MATK: variants seen among roughly 807,000 people sequenced by gnomAD.
MATK encodes the protein megakaryocyte-associated tyrosine-protein kinase.
A neutral mutation model predicts 59.8 loss-of-function variants in MATK; 41 were observed. That is an observed-to-expected ratio of 0.69 (90% confidence interval 0.53 to 0.89). MATK has a LOEUF of 0.89. Among genes scored for constraint, MATK ranks in the 40% least tolerant of loss-of-function variants. MATK has a pLI of 0.00. For synonymous variants in MATK, 308 were observed against 306.1 expected (o/e 1.01, Z -0.06); for missense variants, 593 against 719.6 (o/e 0.82, Z 2.01).
Position 3,785,072 on chromosome 19 carries a change from G to T in MATK, c.64C>A (p.Leu22Ile). Residue 22 changes from leucine (L) to isoleucine (I), a missense_variant, in exon 2 of 14, where the codon CTT (leucine) becomes ATT (isoleucine). Transcript: ENST00000310132. ...AFHGCDSAEE[L>I]PRVSPRFLRA... ...GGGGAAGTGATCTTTACCCGGGGAA[G>T]TTCCTCAGCAGAATCACAGCCGTGA... 2 of 1,614,046 alleles carry T rather than the reference G, an allele frequency of 1.2e-6. No homozygotes were observed. Among genetic ancestry groups the T allele is most frequent in the Non-Finnish European group, 8.5e-7 (1 of 1,179,960 alleles).
In MATK at chr19:3,778,168, C is replaced by A; in HGVS notation, c.*15G>T. 1.3e-6 allele frequency: 2 copies of A among 1,543,164 alleles called. No individual in the cohort carries two copies. The highest frequency in any genetic ancestry group is 1.7e-6 in the Non-Finnish European group (2 of 1,149,470). On this transcript the variant is annotated 3_prime_UTR_variant, in exon 14 of 14. Coordinates refer to ENST00000310132, the MANE Select transcript of MATK (RefSeq NM_139355.3). ...TCTCTCGGTCCTCTGGGGCCAAGGGCCCCACCGGGTGGGGTCAGGGCTCCT... is the reference window on the plus strand; with the variant it reads ...TCTCTCGGTCCTCTGGGGCCAAGGGACCCACCGGGTGGGGTCAGGGCTCCT...
upstream of MATK, chr19:3,787,332 G>A (rs1262391038): frequency 6.6e-6 from 1 of 151,538 alleles, no homozygotes; most frequent in Non-Finnish European, 1.5e-5. Context: ...GCCTCAGGAG[G>A]GGGTGAGTTC....
In MATK at chr19:3,784,897, C is replaced by A. The variant is rs1228986037; in HGVS notation, c.73-13G>T. 1 of 1,515,454 alleles carries A rather than the reference C, an allele frequency of 6.6e-7. No individual in the cohort carries two copies. 93.9% of individuals were successfully genotyped at this position (1,515,454 alleles called of 1,614,324 possible). Reference sequence around the variant, plus strand: ...AGCGGGGGCTCACCTGGGGAGGGGACAGAGTCCAGGTGGGAGCTGGGCTGG... The same window carrying A: ...AGCGGGGGCTCACCTGGGGAGGGGAAAGAGTCCAGGTGGGAGCTGGGCTGG... On this transcript the variant is annotated splice_polypyrimidine_tract_variant and intron_variant, in intron 2 of 13. Transcript: ENST00000310132.
chr19:3,780,538 T>C (rs2037385462), intron 8 of MATK, among the ~76,000 whole-genome samples: 1 of 150,390 alleles, frequency 6.6e-6, no homozygotes, highest in South Asian at 2.1e-4. Context: ...GCCATTCTCC[T>C]GCCTCAGCCT....
intron 1 of MATK, among the ~76,000 whole-genome samples, chr19:3,798,737 C>T (rs1409655033): frequency 6.6e-6 from 1 of 151,482 alleles, no homozygotes; most frequent in Non-Finnish European, 1.5e-5. Context: ...GTCCTGAACT[C>T]CTGACCTCAG....
Position 3,784,341 on chromosome 19 carries a change from G to A in MATK, c.243C>T (p.Cys81=), listed in dbSNP as rs374562489. 1.3e-4 allele frequency: 205 copies of A among 1,603,614 alleles called. No individual in the cohort carries two copies. In the Middle Eastern group the frequency reaches 1.5e-3, roughly 12 times the overall value. The change falls in exon 4 of 14, where the codon TGC becomes TGT. Residue 81 remains cysteine (C), a synonymous_variant. Transcript: ENST00000310132. The part of the protein sequence containing the change: ...KGDVVTILEA[C]ENKSWYRVKH... ...ACACCCGCCGGCCACCTCTCACCTC[G>A]CAGGCCTCCAGGATGGTGACCACGT...
upstream of MATK, among the ~76,000 whole-genome samples, chr19:3,788,272 T>C (rs949963237): frequency 2.7e-5 from 4 of 150,074 alleles, no homozygotes; most frequent in African/African-American, 9.8e-5. Context: ...GCAGATCACC[T>C]GAGGTCAGGA....
intron 1 of MATK, among the ~76,000 whole-genome samples, chr19:3,798,247 A>G (rs541561946): frequency 2.6e-4 from 39 of 151,496 alleles, no homozygotes; most frequent in African/African-American, 9.2e-4. Context: ...TCTCTCCTTC[A>G]GGTTACTTTT....
intron 1 of MATK, among the ~76,000 whole-genome samples, chr19:3,797,015 C>T (rs1383911848): frequency 6.6e-6 from 1 of 152,084 alleles, no homozygotes; most frequent in African/African-American, 2.4e-5. Flanking sequence ...TCCCTACATC[C>T]TGCACTTTCA....
intron 8 of MATK, 109 bp downstream of exon 8, chr19:3,781,498 A>G: frequency 8.6e-7 from 1 of 1,158,246 alleles, no homozygotes; most frequent in Non-Finnish European, 1.3e-6. Context: ...CTTCAGCTGC[A>G]CAACTAGTAG....
At chr19:3,792,736 T>C (rs890278274) in intron 1 of MATK, among the ~76,000 whole-genome samples, 2 of 152,142 alleles carry the variant, frequency 1.3e-5, no homozygotes, top group East Asian at 1.9e-4. Context: ...CAGGCTGGTC[T>C]TGAACTCCTG....
rs1158963735 is a variant in MATK, at chr19:3,779,613, T to A, written c.847A>T (p.Met283Leu). The change falls in exon 10 of 14, where the codon ATG becomes TTG. Residue 283 changes from methionine to leucine, a missense_variant. Physicochemically the swap from Met to Leu is conservative, Grantham distance 15. Transcript: ENST00000310132. ...AGACGCACCAGGTTCTCGTGTTGCA[T>A]CTTCCTGGGGGCGGTGGGGTGGGCG... is the stretch of plus-strand genomic sequence containing the variant. ...FLDETAVMTK[M>L]QHENLVRLLG... is the part of the protein sequence containing the mutation. 1 of 1,611,932 alleles carries A rather than the reference T, an allele frequency of 6.2e-7. No homozygotes were observed. Among genetic ancestry groups the A allele is most frequent in the Admixed American group, 1.7e-5 (1 of 59,904 alleles).
At chr19:3,780,405 G>A (rs1423624883) in intron 8 of MATK, among the ~76,000 whole-genome samples, 1 of 151,920 alleles carries the variant, frequency 6.6e-6, no homozygotes, top group Non-Finnish European at 1.5e-5. Flanking sequence ...AGCTCAAAAT[G>A]TTTTTTGCAT....
In MATK at chr19:3,779,563, C is replaced by A; in HGVS notation, c.897G>T (p.Gly299=). The A allele has an allele frequency of 6.2e-7, 1 of 1,611,884 alleles. No homozygotes were observed. Among genetic ancestry groups the A allele is most frequent in the South Asian group, 1.1e-5 (1 of 90,968 alleles). The change falls in exon 10 of 14, where the codon GGG becomes GGT. Residue 299 remains glycine (G), a synonymous_variant. Transcript: ENST00000310132. The stretch of plus-strand genomic sequence containing the variant: ...TCACGTGCTCCATGACAATGTACAG[C>A]CCCTGGTGCAGGATCACGCCCAGGA... ...VRLLGVILHQ[G]LYIVMEHVSK... is the part of the protein sequence containing the mutation.
At chr19:3,783,430 G>T in intron 6 of MATK, 2 of 604,032 alleles carry the variant, frequency 3.3e-6, no homozygotes, top group South Asian at 3.9e-5. Context: ...GGTCCCCAGA[G>T]GAGTCACTCT....
chr19:3,780,076 T>G (rs945423565), intron 8 of MATK, among the ~76,000 whole-genome samples: 1 of 150,766 alleles, frequency 6.6e-6, no homozygotes, highest in South Asian at 2.1e-4. Flanking sequence ...AGGTCAGGAG[T>G]TCAAGACCAG....
chr19:3,780,763 G>T (rs1464020788), intron 8 of MATK, among the ~76,000 whole-genome samples: 1 of 149,494 alleles, frequency 6.7e-6, no homozygotes, highest in African/African-American at 2.5e-5. Flanking sequence ...TTGATACAGG[G>T]TCTCACTCTC....
At chr19:3,784,523 GAA>G in intron 3 of MATK, 72 bp from the exon 4 acceptor site, 2 of 1,067,750 alleles carry the variant, frequency 1.9e-6, no homozygotes, top group Non-Finnish European at 2.7e-6. Context: ...CACGGGAGGG[GAA>G]AGAGGACAGG....
At chr19:3,800,449 C>A (rs542658302) in intron 1 of MATK, among the ~76,000 whole-genome samples, 16 of 152,096 alleles carry the variant, frequency 1.1e-4, no homozygotes, top group African/African-American at 3.9e-4. Flanking sequence ...AGTTTGAGAC[C>A]AGCCTGACCA....
Sources: gnomAD v4.1 joint callset for allele counts (sites outside exome capture counted in the v4.1 genomes callset) on GRCh38, gnomAD v4.1.1 for gene constraint, MANE v1.5 for transcripts, NCBI Gene and HGNC (gene_info 2026-07-23, HGNC 2026-07-21) for gene names.